PSTPIP2: variants seen among roughly 807,000 people sequenced by gnomAD.
PSTPIP2 encodes proline-serine-threonine phosphatase-interacting protein 2.
A neutral mutation model predicts 63.3 loss-of-function variants in PSTPIP2; 33 were observed. That is an observed-to-expected ratio of 0.52 (90% CI 0.40 to 0.70). PSTPIP2 has a LOEUF of 0.70. Ranked by LOEUF, PSTPIP2 falls within the 30% of genes least tolerant of loss-of-function variation. The pLI, the probability that PSTPIP2 is intolerant of heterozygous loss-of-function variation, is 0.00. For missense variants in PSTPIP2, 312 were observed against 400.7 expected (o/e 0.78, Z 1.89); for synonymous variants, 125 against 132.7 (o/e 0.94, Z 0.40).
chr18:46,047,445 C>T (rs975279600), intron 1 of PSTPIP2, among the ~76,000 whole-genome samples: 1 of 152,036 alleles, frequency 6.6e-6, no homozygotes, highest in South Asian at 2.1e-4. Context: ...TGGTGGCACG[C>T]GCCTGCAGTA....
intron 1 of PSTPIP2, among the ~76,000 whole-genome samples, chr18:46,059,656 A>AACAAT (rs1456674893): frequency 1.3e-5 from 2 of 152,224 alleles, no homozygotes; most frequent in African/African-American, 4.8e-5. Flanking sequence ...TTCCAGAGAA[A>AACAAT]ACAATAGTTG....
chr18:46,061,511 C>T (rs1220826730), intron 1 of PSTPIP2, among the ~76,000 whole-genome samples: 2 of 152,256 alleles, frequency 1.3e-5, no homozygotes, highest in Admixed American at 1.3e-4. Context: ...CAGGGAGAGG[C>T]CTGCCAGCCA....
chr18:46,031,370 T>G (rs988722300), intron 2 of PSTPIP2, among the ~76,000 whole-genome samples: 3 of 152,220 alleles, frequency 2.0e-5, no homozygotes, highest in Admixed American at 2.0e-4. Flanking sequence ...TTCTCCTTCA[T>G]GCCTTTCTGG....
chr18:46,069,328 T>G (rs1909309202), intron 1 of PSTPIP2, among the ~76,000 whole-genome samples: 1 of 152,180 alleles, frequency 6.6e-6, no homozygotes, highest in Non-Finnish European at 1.5e-5. Flanking sequence ...TGTCTTATTC[T>G]GACAAGATAC....
intron 13 of PSTPIP2, 120 bp downstream of exon 13, chr18:45,990,602 G>T: frequency 1.3e-6 from 1 of 797,098 alleles, no homozygotes; most frequent in Non-Finnish European, 2.0e-6. Flanking sequence ...GCTAATTTTT[G>T]TATTTTTAGT....
intron 4 of PSTPIP2, among the ~76,000 whole-genome samples, chr18:46,011,726 A>G (rs537412688): frequency 2.3e-4 from 35 of 152,360 alleles, no homozygotes; most frequent in Admixed American, 4.6e-4. Flanking sequence ...TTGGCTACCA[A>G]TAGTTATCTC....
intron 2 of PSTPIP2, among the ~76,000 whole-genome samples, chr18:46,036,385 C>T (rs1232827135): frequency 6.6e-6 from 1 of 152,098 alleles, no homozygotes; most frequent in East Asian, 1.9e-4. Context: ...GGTCAGACAG[C>T]TAATAAGGAG....
chr18:46,065,468 G>A (rs1055210041), intron 1 of PSTPIP2, among the ~76,000 whole-genome samples: 1 of 149,594 alleles, frequency 6.7e-6, no homozygotes, highest in African/African-American at 2.5e-5. Context: ...TTTTGTTTTC[G>A]GTTGTTTGTT....
At chr18:46,006,396 G>T (rs1476995067) in intron 5 of PSTPIP2, among the ~76,000 whole-genome samples, 2 of 109,100 alleles carry the variant, frequency 1.8e-5, no homozygotes, top group African/African-American at 7.3e-5. Flanking sequence ...TTCTGAGACA[G>T]AGTTTGCTCT....
In PSTPIP2 at chr18:46,006,360, C is replaced by CTTTTTTTTTTTTTTTT. The variant is rs756384731; in HGVS notation, c.355-845_355-830dup. ...TGAGCCACCATGCCCAGCCCTGGTA[C>CTTTTTTTTTTTTTTTT]TTTTTTTTTTTTTTTTTTTTTTTTT... On this transcript the variant is annotated intron_variant, in intron 5 of 14. Coordinates refer to ENST00000409746, the MANE Select transcript of PSTPIP2 (RefSeq NM_024430.4). Among the ~76,000 whole-genome samples the CTTTTTTTTTTTTTTTT allele has an allele frequency of 3.5e-5, 4 of 115,628 alleles. 2 individuals are homozygous for CTTTTTTTTTTTTTTTT. Among genetic ancestry groups the CTTTTTTTTTTTTTTTT allele is most frequent in the Non-Finnish European group, 3.3e-5 (2 of 60,024 alleles). 75.9% of individuals were successfully genotyped at this position (115,628 alleles called of 152,430 possible). A position where few individuals can be genotyped will look rare whatever the true frequency, so the allele number is the denominator to read the frequency against.
At chr18:46,036,520 C>A (rs68059007) in intron 2 of PSTPIP2, among the ~76,000 whole-genome samples, 9,774 of 152,158 alleles carry the variant, frequency 0.064, 420 homozygotes, top group African/African-American at 0.12. Context: ...TCTGAGCTAA[C>A]CTTATTTTTA....
intron 1 of PSTPIP2, among the ~76,000 whole-genome samples, chr18:46,048,141 G>C (rs1196935200): frequency 6.6e-6 from 1 of 152,166 alleles, no homozygotes; most frequent in Non-Finnish European, 1.5e-5. Context: ...CTAAGAAAGA[G>C]CCAGGAGGGT....
chr18:46,066,500 G>C (rs1016847055), intron 1 of PSTPIP2, among the ~76,000 whole-genome samples: 1 of 152,192 alleles, frequency 6.6e-6, no homozygotes, highest in Non-Finnish European at 1.5e-5. Flanking sequence ...GACATTTGCT[G>C]AGTTGAACTG....
chr18:46,017,328 T>G (rs1568217894), intron 3 of PSTPIP2, among the ~76,000 whole-genome samples: 1 of 152,200 alleles, frequency 6.6e-6, no homozygotes, highest in Non-Finnish European at 1.5e-5. Context: ...TAGGACTTTT[T>G]CATTAACTTG....
rs986354677 is a variant in PSTPIP2 at position 46,027,292 on chromosome 18, T to A, written c.135-2606A>T. On this transcript the variant is annotated intron_variant, in intron 2 of 14. Coordinates refer to ENST00000409746, the MANE Select transcript of PSTPIP2 (RefSeq NM_024430.4). Reference sequence around the variant, plus strand: ...CCTGGGCGACAAGAGCAAAACTCCATCTCAAAAATAAATAAATAAATAAAT... The same window carrying A: ...CCTGGGCGACAAGAGCAAAACTCCAACTCAAAAATAAATAAATAAATAAAT... Among the ~76,000 whole-genome samples, 3 of 138,106 alleles carry A rather than the reference T, an allele frequency of 2.2e-5. No homozygotes were observed. In the East Asian group the frequency reaches 6.4e-4, roughly 29 times the overall value. 90.6% of individuals were successfully genotyped at this position (138,106 alleles called of 152,430 possible).
intron 2 of PSTPIP2, chr18:46,029,260 A>G (rs979450186): frequency 5.4e-6 from 7 of 1,293,706 alleles, no homozygotes; most frequent in Non-Finnish European, 7.9e-6. Flanking sequence ...GTCTCCCCAG[A>G]TGGGTCCTTC....
At chr18:46,001,756 T>A (rs1323248986) in intron 6 of PSTPIP2, among the ~76,000 whole-genome samples, 2 of 152,102 alleles carry the variant, frequency 1.3e-5, no homozygotes, top group Admixed American at 6.6e-5. Context: ...TTTAAAAAAA[T>A]TTTTGTGGGT....
At chr18:46,052,003 G>A (rs1292056939) in intron 1 of PSTPIP2, among the ~76,000 whole-genome samples, 1 of 152,220 alleles carries the variant, frequency 6.6e-6, no homozygotes, top group African/African-American at 2.4e-5. Flanking sequence ...GAACCCCTGG[G>A]CATGCCCAAG....
chr18:46,029,410 G>A, intron 2 of PSTPIP2: 5 of 1,487,030 alleles, frequency 3.4e-6, no homozygotes, highest in Non-Finnish European at 3.8e-6. Context: ...GCCTCTTCGG[G>A]GATGGAGAAG....
Sources: gnomAD v4.1 joint callset for allele counts (sites outside exome capture counted in the v4.1 genomes callset) on GRCh38, gnomAD v4.1.1 for gene constraint, MANE v1.5 for transcripts, NCBI Gene and HGNC (gene_info 2026-07-23, HGNC 2026-07-21) for gene names.